The following CDH13 variants were observed in gnomAD, a reference collection of about 807,000 sequenced individuals.
CDH13 encodes cadherin-13.
CDH13 carries 24 observed loss-of-function variants against 63.8 expected under a neutral mutation model. The ratio of observed to expected loss-of-function variants is 0.38; its 90% CI spans 0.27 to 0.53. CDH13 has a LOEUF of 0.53. Among genes scored for constraint, CDH13 ranks in the 20% least tolerant of loss-of-function variants. The probability of loss-of-function intolerance (pLI) is 0.85; values close to 1 mark genes in which losing one functional copy is unlikely to be tolerated. For missense variants in CDH13, 1,049 were observed against 903.1 expected, an observed-to-expected ratio of 1.16 and a Z score of -2.07; for synonymous variants, 503 against 355.3, an observed-to-expected ratio of 1.42 and a Z score of -4.67.
intron 5 of CDH13, among the ~76,000 whole-genome samples, chr16:83,235,587 T>TTTG (rs1555517055): frequency 1.3e-4 from 16 of 125,210 alleles, no homozygotes; most frequent in African/African-American, 4.1e-4. Context: ...GTGGTGTTTT[T>TTTG]TTTTTTTTTT....
intron 5 of CDH13, among the ~76,000 whole-genome samples, chr16:83,279,846 T>TA (rs985019419): frequency 6.6e-6 from 1 of 151,964 alleles, no homozygotes; most frequent in Admixed American, 6.6e-5. Flanking sequence ...CACATGATTT[T>TA]TTTTTTTGCT....
chr16:82,681,895 C>T (rs1259772580), intron 1 of CDH13, among the ~76,000 whole-genome samples: 2 of 152,238 alleles, frequency 1.3e-5, no homozygotes, highest in Non-Finnish European at 1.5e-5. Flanking sequence ...CCAGAGGCCC[C>T]AGCCCGGTTG....
intron 1 of CDH13, among the ~76,000 whole-genome samples, chr16:82,811,130 C>T (rs2037421821): frequency 6.6e-6 from 1 of 152,120 alleles, no homozygotes; most frequent in South Asian, 2.1e-4. Flanking sequence ...AATAGACAGG[C>T]ATAGGTGTCC....
At chr16:83,267,900 T>C (rs1048626638) in intron 5 of CDH13, among the ~76,000 whole-genome samples, 2 of 152,340 alleles carry the variant, frequency 1.3e-5, no homozygotes, top group Non-Finnish European at 2.9e-5. Flanking sequence ...TGTGCTCTCA[T>C]ACCTCATTGG....
At chr16:82,896,799 G>C (rs1205661389) in intron 2 of CDH13, among the ~76,000 whole-genome samples, 1 of 21,640 alleles carries the variant, frequency 4.6e-5, no homozygotes, top group South Asian at 1.3e-3. Flanking sequence ...TTTTTTTTTT[G>C]AGACGGAGTC....
chr16:83,303,451 A>G (rs554411499), intron 5 of CDH13, among the ~76,000 whole-genome samples: 14 of 152,266 alleles, frequency 9.2e-5, no homozygotes, highest in African/African-American at 3.1e-4. Flanking sequence ...TGCTGAGACA[A>G]TGGTTAGTAA....
At chr16:83,202,135 A>G (rs1335685501) in intron 4 of CDH13, among the ~76,000 whole-genome samples, 6 of 152,160 alleles carry the variant, frequency 3.9e-5, no homozygotes, top group African/African-American at 1.2e-4. Context: ...TAAGACTTCA[A>G]AGGTCCTCAG....
intron 7 of CDH13, among the ~76,000 whole-genome samples, chr16:83,511,578 A>C (rs1019780877): frequency 2.0e-5 from 3 of 152,236 alleles, no homozygotes; most frequent in Admixed American, 2.0e-4. Context: ...TCTCAGAGTG[A>C]ACAAAATTGA....
chr16:83,167,671 C>G (rs2037738747), intron 4 of CDH13, among the ~76,000 whole-genome samples: 1 of 151,024 alleles, frequency 6.6e-6, no homozygotes, highest in Admixed American at 6.6e-5. Context: ...CCATTTAAGC[C>G]AAATCTCATT....
At chr16:83,245,115 A>T (rs1904859293) in intron 5 of CDH13, among the ~76,000 whole-genome samples, 1 of 115,318 alleles carries the variant, frequency 8.7e-6, no homozygotes, top group Admixed American at 7.5e-5. Context: ...TCTGGATAGT[A>T]TGCAAAAAAA....
chr16:83,410,931 C>A (rs552671094), intron 6 of CDH13, among the ~76,000 whole-genome samples: 13 of 152,270 alleles, frequency 8.5e-5, no homozygotes, highest in Non-Finnish European at 1.6e-4. Flanking sequence ...ATCCAATCAA[C>A]CTTTTTAACT....
intron 7 of CDH13, among the ~76,000 whole-genome samples, chr16:83,583,601 G>A (rs1020436064): frequency 4.6e-5 from 7 of 152,206 alleles, no homozygotes; most frequent in Admixed American, 4.6e-4. Flanking sequence ...TTATTTTGCA[G>A]AACCAGGATG....
At chr16:83,002,647 C>T (rs1913061204) in intron 2 of CDH13, among the ~76,000 whole-genome samples, 1 of 152,132 alleles carries the variant, frequency 6.6e-6, no homozygotes, top group African/African-American at 2.4e-5. Context: ...CAATGTAACA[C>T]AGTAACGAAG....
At chr16:82,902,363 C>G (rs995065985) in intron 2 of CDH13, among the ~76,000 whole-genome samples, 10 of 150,212 alleles carry the variant, frequency 6.7e-5, no homozygotes, top group African/African-American at 2.5e-4. Context: ...GTTTTCTAAT[C>G]ATGATAAATG....
intron 1 of CDH13, among the ~76,000 whole-genome samples, chr16:82,685,000 G>A (rs916943822): frequency 2.0e-5 from 3 of 150,700 alleles, no homozygotes; most frequent in Admixed American, 1.3e-4. Context: ...AGCCAAGGTG[G>A]GCACCACTTG....
At chr16:83,681,018 A>T (rs960789098) in intron 10 of CDH13, among the ~76,000 whole-genome samples, 44 of 152,068 alleles carry the variant, frequency 2.9e-4, no homozygotes, top group African/African-American at 1.1e-3. Flanking sequence ...GAGGAAAGCA[A>T]CATCTTCCTT....
rs949898354 is a variant in CDH13, at chr16:83,748,158, A to G, written c.1589A>G (p.Asn530Ser). ...PAGWLNINPI[N>S]GTVDTTAVLD... Reference sequence around the variant, plus strand: ...GGTTGGCTGAATATTAACCCCATCAATGGGACTGTTGACACCACAGCTGTG... The same window carrying G: ...GGTTGGCTGAATATTAACCCCATCAGTGGGACTGTTGACACCACAGCTGTG... Residue 530 changes from asparagine (N) to serine (S), a missense_variant, in exon 11 of 14, where the codon AAT becomes AGT. Transcript: ENST00000567109. 20 of 1,613,824 alleles carry G rather than the reference A, an allele frequency of 1.2e-5. No individual in the cohort carries two copies. Among genetic ancestry groups the G allele is most frequent in the Non-Finnish European group, 1.5e-5 (18 of 1,179,858 alleles).
At chr16:83,724,997 C>G (rs1288102096) in intron 10 of CDH13, among the ~76,000 whole-genome samples, 1 of 152,210 alleles carries the variant, frequency 6.6e-6, no homozygotes, top group Non-Finnish European at 1.5e-5. Flanking sequence ...GATATACAGT[C>G]ACCACGACAC....
At chr16:82,925,964 G>A (rs968536566) in intron 2 of CDH13, 2 of 152,058 alleles carry the variant, frequency 1.3e-5, no homozygotes, top group Non-Finnish European at 2.9e-5. Context: ...GACTAGCAGA[G>A]CTGCCAACCA....
Sources: gnomAD v4.1 joint callset for allele counts (sites outside exome capture counted in the v4.1 genomes callset) on GRCh38, gnomAD v4.1.1 for gene constraint, MANE v1.5 for transcripts, NCBI Gene and HGNC (gene_info 2026-07-23, HGNC 2026-07-21) for gene names.